NECAP2: variants seen among roughly 807,000 people sequenced by gnomAD.
NECAP2 encodes the protein NECAP endocytosis associated 2, also known as adaptin ear-binding coat-associated protein 2.
Under a neutral mutation model 37.8 loss-of-function variants are expected in NECAP2, and 38 were observed. That is an observed-to-expected ratio of 1.01 (90% CI 0.78 to 1.32). The LOEUF (loss-of-function observed/expected upper bound fraction) is 1.32. Among genes scored for constraint, NECAP2 ranks in the 40% most tolerant of loss-of-function variants. The probability of loss-of-function intolerance (pLI) is 0.00; values close to 1 mark genes in which losing one functional copy is unlikely to be tolerated. For missense variants in NECAP2, 316 were observed against 334.5 expected (o/e 0.94, Z 0.43); for synonymous variants, 121 against 127.7 (o/e 0.95, Z 0.35).
At chr1:16,456,284 CA>C (rs1480090192) in intron 7 of NECAP2, among the ~76,000 whole-genome samples, 2 of 152,114 alleles carry the variant, frequency 1.3e-5, no homozygotes, top group East Asian at 3.9e-4. Flanking sequence ...CTCGTCCTCC[CA>C]AAGTACTGGG....
At chr1:16,456,661 A>C (rs1450056464) in intron 7 of NECAP2, among the ~76,000 whole-genome samples, 1 of 152,184 alleles carries the variant, frequency 6.6e-6, no homozygotes, top group Admixed American at 6.6e-5. Context: ...GGCCAGGGTG[A>C]AAAGATACTA....
At chr1:16,450,385 C>A in intron 5 of NECAP2, 1 of 311,040 alleles carries the variant, frequency 3.2e-6, no homozygotes, top group East Asian at 8.9e-5. Flanking sequence ...TGGGGACTTG[C>A]CCAGGGTCAC....
chr1:16,445,263 G>A (rs968408958), intron 2 of NECAP2, among the ~76,000 whole-genome samples: 3 of 152,220 alleles, frequency 2.0e-5, no homozygotes, highest in Non-Finnish European at 4.4e-5. Context: ...ATGAGGTAAT[G>A]AGCATATCAC....
At chr1:16,457,073 T>G (rs2086931817) in intron 7 of NECAP2, among the ~76,000 whole-genome samples, 1 of 152,232 alleles carries the variant, frequency 6.6e-6, no homozygotes. Flanking sequence ...TTCTAGCTAC[T>G]CAGTTCTGCT....
chr1:16,452,984 G>A (rs961633217), intron 6 of NECAP2, among the ~76,000 whole-genome samples: 5 of 152,188 alleles, frequency 3.3e-5, no homozygotes, highest in African/African-American at 1.2e-4. Flanking sequence ...GGCAGGAGGG[G>A]CAGTCAGAGA....
rs147349823 is a variant in NECAP2, at chr1:16,448,123, C to T, written c.362C>T (p.Ala121Val). ...DRGDAFDFNV[A>V]LQDHFKWVKQ... ...GGTGATGCCTTTGACTTCAATGTTG[C>T]ATTGCAGGACCATTTCAAGTGAGTG... is the stretch of plus-strand genomic sequence containing the variant. The change falls in exon 4 of 8, where the codon GCA (alanine) becomes GTA (valine). Residue 121 changes from alanine (A) to valine (V), a missense_variant. Coordinates refer to ENST00000337132, the MANE Select transcript of NECAP2 (RefSeq NM_018090.5). The T allele has an allele frequency of 2.1e-5, 34 of 1,613,966 alleles. No homozygotes were observed. The African/African-American group carries it at 2.4e-4, about 11-fold the overall frequency.
Position 16,443,715 on chromosome 1 carries a change from TG to T in NECAP2, c.178del (p.Glu60ArgfsTer25). On this transcript the variant is annotated frameshift_variant, in exon 2 of 8. Coordinates refer to ENST00000337132, the MANE Select transcript of NECAP2 (RefSeq NM_018090.5). LOFTEE classifies it high-confidence loss of function. The part of the protein sequence containing the change: ...TAKGQMAYIK[L>X]EDRTSGELFA... ...AAGGGACAGATGGCCTACATCAAGC[TG>T]GAGGACAGGACGTCAGGTAACCGGA... 1.2e-6 allele frequency: 2 copies of T among 1,612,708 alleles called. No homozygotes were observed. Among genetic ancestry groups the T allele is most frequent in the Non-Finnish European group, 8.5e-7 (1 of 1,179,682 alleles).
rs1456104465 is a variant in NECAP2, at chr1:16,441,069, G to T, written c.92+216G>T. On this transcript the variant is annotated intron_variant, in intron 1 of 7. Coordinates refer to ENST00000337132, the MANE Select transcript of NECAP2 (RefSeq NM_018090.5). ...CACGGGACTCCTGGCGGCGGGGAGGGCGTTAAAGCCGTATCTAGCGCTTAG... is the reference window on the plus strand; with the variant it reads ...CACGGGACTCCTGGCGGCGGGGAGGTCGTTAAAGCCGTATCTAGCGCTTAG... The T allele has an allele frequency of 1.6e-5, 9 of 572,394 alleles. No individual in the cohort carries two copies. In the Admixed American group the frequency reaches 2.3e-4, roughly 15 times the overall value. The allele number at this position is 572,394 out of a possible 1,614,324, so 35.5% of individuals were successfully genotyped here.
chr1:16,449,008 T>C (rs1476732516), intron 4 of NECAP2, 85 bp from the exon 5 acceptor site: 5 of 848,202 alleles, frequency 5.9e-6, no homozygotes, highest in Non-Finnish European at 9.6e-6. Flanking sequence ...CCTGGACTGA[T>C]AGCAGGCAGT....
chr1:16,447,545 G>A (rs895069278), intron 2 of NECAP2, among the ~76,000 whole-genome samples: 4 of 152,188 alleles, frequency 2.6e-5, no homozygotes, highest in African/African-American at 9.7e-5. Flanking sequence ...CAGATGGAAT[G>A]GATGGGCTAG....
chr1:16,440,780 G>C lies in NECAP2; in HGVS notation c.19G>C (p.Glu7Gln), dbSNP rs760652510. The change falls in exon 1 of 8, where the codon GAG (glutamate) becomes CAG (glutamine). Residue 7 changes from glutamate to glutamine, a missense_variant. Physicochemically the swap from Glu to Gln is conservative, Grantham distance 29. Transcript: ENST00000337132. The stretch of plus-strand genomic sequence containing the variant: ...CGTCGCGATGGAGGAGAGCGGGTAC[G>C]AGTCGGTGCTCTGTGTCAAGCCTGA... MEESGYESVLCVKPDVH... is the reference protein window; with the variant it reads MEESGYQSVLCVKPDVH... The C allele has an allele frequency of 3.1e-6, 5 of 1,614,120 alleles. No individual in the cohort carries two copies. In the African/African-American group the frequency reaches 5.3e-5, roughly 17 times the overall value.
At chr1:16,446,493 A>G (rs1166938596) in intron 2 of NECAP2, among the ~76,000 whole-genome samples, 2 of 152,018 alleles carry the variant, frequency 1.3e-5, no homozygotes, top group Admixed American at 6.6e-5. Context: ...CAGGAGTTCG[A>G]GGCTGCAGTG....
rs375823676 is a variant in NECAP2 at position 16,451,905 on chromosome 1, G to A, written c.557G>A (p.Ser186Asn). 6.2e-7 allele frequency: 1 copy of A among 1,613,962 alleles called. No individual in the cohort carries two copies. Among genetic ancestry groups the A allele is most frequent in the African/African-American group, 1.3e-5 (1 of 74,918 alleles). Reference protein sequence around the residue: ...RVRPASTGGLSLLPPPPGGKT... With the variant: ...RVRPASTGGLNLLPPPPGGKT... ...CGGCCTGCCAGCACAGGAGGGCTGA[G>A]CCTGCTTCCCCCTCCCCCAGGGGGG... is the stretch of plus-strand genomic sequence containing the variant. Residue 186 changes from serine to asparagine, a missense_variant, in exon 6 of 8, where the codon AGC becomes AAC. Around this residue, in one of 3 missense-constraint regions of NECAP2, gnomAD observed 204 missense variants for 188.6 expected, o/e 1.08. Coordinates refer to ENST00000337132, the MANE Select transcript of NECAP2 (RefSeq NM_018090.5).
intron 5 of NECAP2, chr1:16,449,901 G>A (rs1051497047): frequency 1.2e-5 from 3 of 242,908 alleles, no homozygotes; most frequent in Admixed American, 5.3e-5. Context: ...CCTAAAGTTG[G>A]CCTTTACCTG....
At position 16,452,023 on chromosome 1, in the gene NECAP2, C is replaced by T; in HGVS notation, c.667+8C>T. The T allele has an allele frequency of 1.9e-6, 3 of 1,563,066 alleles. No homozygotes were observed. Among genetic ancestry groups the T allele is most frequent in the Non-Finnish European group, 2.6e-6 (3 of 1,155,728 alleles). On this transcript the variant is annotated splice_region_variant and intron_variant, in intron 6 of 7. Coordinates refer to ENST00000337132, the MANE Select transcript of NECAP2 (RefSeq NM_018090.5). ...CAGTTGCTCCCAGTTCAGGTTAGTG[C>T]TCAGTGGGTGACTGCTGCATCAGTA... is the stretch of plus-strand genomic sequence containing the variant.
intron 1 of NECAP2, among the ~76,000 whole-genome samples, chr1:16,443,110 A>G (rs1208983721): frequency 4.6e-5 from 7 of 152,324 alleles, no homozygotes; most frequent in African/African-American, 1.7e-4. Flanking sequence ...GCTGCAGTCA[A>G]GCAGTGTCAG....
Position 16,443,665 on chromosome 1 carries a change from G to A in NECAP2, c.126G>A (p.Trp42Ter). 6.2e-7 allele frequency: 1 copy of A among 1,612,662 alleles called. No homozygotes were observed. Among genetic ancestry groups the A allele is most frequent in the South Asian group, 1.1e-5 (1 of 90,526 alleles). The stretch of plus-strand genomic sequence containing the variant: ...AGTGGCAGCTGGACCAGCCATCATG[G>A]AGTGGCCGGCTGAGGATCACTGCAA... Reference protein sequence around the residue: ...AAEWQLDQPSWSGRLRITAKG... With the variant: ...AAEWQLDQPS Residue 42 changes from tryptophan (W) to a stop codon, truncating the protein, a stop_gained, in exon 2 of 8, where the codon TGG (tryptophan) becomes TGA (stop). Coordinates refer to ENST00000337132, the MANE Select transcript of NECAP2 (RefSeq NM_018090.5). LOFTEE classifies it high-confidence loss of function.
chr1:16,448,974 AC>A, intron 4 of NECAP2, 118 bp from the exon 5 acceptor site: 2 of 653,914 alleles, frequency 3.1e-6, no homozygotes, highest in Admixed American at 2.8e-5. Context: ...TCTTTCCAGC[AC>A]CCCGTCTCAC....
intron 6 of NECAP2, among the ~76,000 whole-genome samples, chr1:16,454,598 C>T (rs1351362519): frequency 6.6e-6 from 1 of 152,194 alleles, no homozygotes; most frequent in Non-Finnish European, 1.5e-5. Flanking sequence ...CTCAGGTGAT[C>T]CACCTGCTTC....
Sources: gnomAD v4.1 joint callset for allele counts (sites outside exome capture counted in the v4.1 genomes callset) on GRCh38, gnomAD v4.1.1 for gene constraint, gnomAD v4.1.1 regional missense constraint, MANE v1.5 for transcripts, NCBI Gene and HGNC (gene_info 2026-07-23, HGNC 2026-07-21) for gene names.